The following CCDC117 variants were observed in gnomAD, a reference collection of about 807,000 sequenced individuals.
CCDC117 encodes coiled-coil domain-containing protein 117.
CCDC117 carries 1 observed loss-of-function variant against 23.5 expected under a neutral mutation model. That is an observed-to-expected ratio of 0.04 (90% CI 0.02 to 0.20). The LOEUF is 0.20. Ranked by LOEUF, CCDC117 falls within the 10% of genes least tolerant of loss-of-function variation. The probability of loss-of-function intolerance (pLI) is 1.00; values close to 1 mark genes in which losing one functional copy is unlikely to be tolerated. For missense variants in CCDC117, 383 were observed against 348.2 expected (o/e 1.10, Z -0.80); for synonymous variants, 132 against 124.8 (o/e 1.06, Z -0.39).
Position 28,788,087 on chromosome 22 carries a change from T to C in CCDC117, c.*1761T>C, listed in dbSNP as rs1477063221. The C allele has an allele frequency of 6.6e-6, 1 of 152,666 alleles. No homozygotes were observed. The highest frequency in any genetic ancestry group is 2.4e-5 in the African/African-American group (1 of 41,470). 9.5% of individuals were successfully genotyped at this position (152,666 alleles called of 1,614,324 possible). A position where few individuals can be genotyped will look rare whatever the true frequency, so the allele number is the denominator to read the frequency against. On this transcript the variant is annotated 3_prime_UTR_variant, in exon 5 of 5. Transcript: ENST00000249064. ...AATGTTTAATATTTAAACAAAATAT[T>C]TAATGTCTATACAGTAAAATTATTC...
At chr22:28,780,518 G>A (rs893954442) in intron 2 of CCDC117, among the ~76,000 whole-genome samples, 10 of 151,974 alleles carry the variant, frequency 6.6e-5, no homozygotes, top group Admixed American at 3.3e-4. Context: ...TTGAATTAGC[G>A]TCTCACTATG....
At position 28,781,051 on chromosome 22, in the gene CCDC117, C is replaced by G. The variant is rs774389671; in HGVS notation, c.343C>G (p.Pro115Ala). ...GGATGTAGAGGGGCATGGAGTAAAT[C>G]CCAGTGTTAGTGGCCTTTCCATACC... The part of the protein sequence containing the change: ...HQDVEGHGVN[P>A]SVSGLSIPGI... Residue 115 changes from proline to alanine, a missense_variant, in exon 3 of 5, where the codon CCC becomes GCC. By Grantham distance (27) the Pro-to-Ala change is conservative. Transcript: ENST00000249064. 3.1e-6 allele frequency: 5 copies of G among 1,613,778 alleles called. No individual in the cohort carries two copies. Among genetic ancestry groups the G allele is most frequent in the Non-Finnish European group, 4.2e-6 (5 of 1,179,834 alleles).
Position 28,788,415 on chromosome 22 carries a change from A to G in CCDC117, c.*2089A>G, listed in dbSNP as rs1365948291. Reference sequence around the variant, plus strand: ...ACAGCTTTCCAAAGAAGGACCTAAAACACACCAAGATTGTCTTCTACAGGA... The same window carrying G: ...ACAGCTTTCCAAAGAAGGACCTAAAGCACACCAAGATTGTCTTCTACAGGA... On this transcript the variant is annotated 3_prime_UTR_variant, in exon 5 of 5. Transcript: ENST00000249064. The G allele has an allele frequency of 1.3e-5, 2 of 152,510 alleles. No homozygotes were observed. The highest frequency in any genetic ancestry group is 1.9e-4 in the East Asian group (1 of 5,202). 9.4% of individuals were successfully genotyped at this position (152,510 alleles called of 1,614,324 possible).
At position 28,788,994 on chromosome 22, in the gene CCDC117, T is replaced by A. The variant is rs1601432583; in HGVS notation, c.*2668T>A. 2 of 149,438 alleles carry A rather than the reference T, an allele frequency of 1.3e-5. No homozygotes were observed. The highest frequency in any genetic ancestry group is 2.1e-4 in the South Asian group (1 of 4,746). The allele number at this position is 149,438 out of a possible 1,614,324, so 9.3% of individuals were successfully genotyped here. A position where few individuals can be genotyped will look rare whatever the true frequency, so the allele number is the denominator to read the frequency against. ...TTGGGTTTTTTTTTTTTTTTTGTAA[T>A]TATATGAAGAAAGTCCAGTTCTCAT... is the stretch of plus-strand genomic sequence containing the variant. On this transcript the variant is annotated 3_prime_UTR_variant, in exon 5 of 5. Transcript: ENST00000249064.
chr22:28,775,185 C>T (rs1477038580), intron 2 of CCDC117, among the ~76,000 whole-genome samples: 1 of 152,084 alleles, frequency 6.6e-6, no homozygotes. Flanking sequence ...CACTTGAACC[C>T]GGGAGGTGGA....
rs1038402116 is a variant in CCDC117 at position 28,788,165 on chromosome 22, T to A, written c.*1839T>A. 40 of 152,814 alleles carry A rather than the reference T, an allele frequency of 2.6e-4. No homozygotes were observed. The highest frequency in any genetic ancestry group is 1.9e-4 in the East Asian group (1 of 5,194). 9.5% of individuals were successfully genotyped at this position (152,814 alleles called of 1,614,324 possible). On this transcript the variant is annotated 3_prime_UTR_variant, in exon 5 of 5. Transcript: ENST00000249064. The stretch of plus-strand genomic sequence containing the variant: ...TGGAAACCAGCTAATAGTTTCTTAA[T>A]CTCAGATTTCGAGATGAATGTAAAC...
intron 3 of CCDC117, among the ~76,000 whole-genome samples, chr22:28,782,002 G>T: frequency 6.9e-6 from 1 of 144,848 alleles, no homozygotes. Context: ...AGGTTGGAGT[G>T]CAGTGGCTCA....
At chr22:28,773,464 G>A in intron 1 of CCDC117, 1 of 514,888 alleles carries the variant, frequency 1.9e-6, no homozygotes, top group African/African-American at 1.9e-5. Flanking sequence ...CGCCTGCCCC[G>A]AGGACGTTTC....
intron 4 of CCDC117, among the ~76,000 whole-genome samples, chr22:28,784,559 A>G (rs1420631033): frequency 1.3e-5 from 2 of 152,162 alleles, no homozygotes; most frequent in Non-Finnish European, 2.9e-5. Flanking sequence ...TACAGTGGAG[A>G]TGATTTGTGC....
In CCDC117 at chr22:28,783,644, A is replaced by G. The variant is rs149747242; in HGVS notation, c.601A>G (p.Met201Val). 7.4e-6 allele frequency: 12 copies of G among 1,612,398 alleles called. No individual in the cohort carries two copies. The highest frequency in any genetic ancestry group is 4.0e-5 in the African/African-American group (3 of 74,844). Residue 201 changes from methionine (M) to valine (V), a missense_variant and splice_region_variant, in exon 4 of 5, where the codon ATG (methionine) becomes GTG (valine). Transcript: ENST00000249064. Reference sequence around the variant, plus strand: ...TTTTACAAAGAAAATGATTGAGTCTATGTAAGTTTTGGTACCTGATTTCTA... The same window carrying G: ...TTTTACAAAGAAAATGATTGAGTCTGTGTAAGTTTTGGTACCTGATTTCTA... Reference protein sequence around the residue: ...EVFTKKMIESMSRPSMELVLW... With the variant: ...EVFTKKMIESVSRPSMELVLW...
intron 2 of CCDC117, among the ~76,000 whole-genome samples, chr22:28,780,205 G>C (rs905360541): frequency 6.6e-6 from 1 of 152,136 alleles, no homozygotes; most frequent in African/African-American, 2.4e-5. Flanking sequence ...ATACAAATTT[G>C]TTCAGGATGT....
intron 2 of CCDC117, 41 bp from the exon 3 acceptor site, chr22:28,780,907 A>G (rs1275746383): frequency 2.2e-6 from 3 of 1,395,324 alleles, no homozygotes; most frequent in East Asian, 4.7e-5. Flanking sequence ...TTTCATTTAT[A>G]TTAGTTGGGA....
intron 4 of CCDC117, 55 bp from the exon 5 acceptor site, chr22:28,786,034 C>A: frequency 7.6e-7 from 1 of 1,318,160 alleles, no homozygotes; most frequent in Non-Finnish European, 1.1e-6. Flanking sequence ...CAACCTACAG[C>A]TTTTGTTTTC....
At position 28,772,881 on chromosome 22, in the gene CCDC117, T is replaced by C. The variant is rs2146241294; in HGVS notation, c.32T>C (p.Leu11Pro). Reference protein sequence around the residue: MAALGRPFSGLPLSGGSDFLQ... With the variant: MAALGRPFSGPPLSGGSDFLQ... ...GCGCTCGGCCGGCCCTTCAGCGGCCTCCCTCTGAGCGGCGGCTCGGACTTC... is the reference window on the plus strand; with the variant it reads ...GCGCTCGGCCGGCCCTTCAGCGGCCCCCCTCTGAGCGGCGGCTCGGACTTC... Residue 11 changes from leucine (L) to proline (P), a missense_variant, in exon 1 of 5, where the codon CTC becomes CCC. Physicochemically the swap from Leu to Pro is moderately conservative, Grantham distance 98 (BLOSUM62 -3). Coordinates refer to ENST00000249064, the MANE Select transcript of CCDC117 (RefSeq NM_173510.4). The C allele has an allele frequency of 8.1e-7, 1 of 1,237,022 alleles. No individual in the cohort carries two copies. The highest frequency in any genetic ancestry group is 1.0e-6 in the Non-Finnish European group (1 of 989,554). The allele number at this position is 1,237,022 out of a possible 1,614,324, so 76.6% of individuals were successfully genotyped here. A position where few individuals can be genotyped will look rare whatever the true frequency, so the allele number is the denominator to read the frequency against.
chr22:28,786,200 G>A lies in CCDC117; in HGVS notation c.714G>A (p.Lys238=), dbSNP rs145482585. The change falls in exon 5 of 5, where the codon AAG becomes AAA. Residue 238 remains lysine (K), a synonymous_variant. Coordinates refer to ENST00000249064, the MANE Select transcript of CCDC117 (RefSeq NM_173510.4). ...TKNYTGESQA[K]HVAAGTAFPQ... The stretch of plus-strand genomic sequence containing the variant: ...ACTATACAGGAGAGAGCCAAGCTAA[G>A]CATGTAGCTGCTGGCACTGCCTTCC... 6.2e-7 allele frequency: 1 copy of A among 1,614,110 alleles called. No homozygotes were observed. Among genetic ancestry groups the A allele is most frequent in the Non-Finnish European group, 8.5e-7 (1 of 1,179,984 alleles).
In CCDC117 at chr22:28,788,096, A is replaced by G. The variant is rs1569201695; in HGVS notation, c.*1770A>G. The G allele has an allele frequency of 1.3e-5, 2 of 152,662 alleles. No individual in the cohort carries two copies. The highest frequency in any genetic ancestry group is 2.4e-5 in the African/African-American group (1 of 41,454). The allele number at this position is 152,662 out of a possible 1,614,324, so 9.5% of individuals were successfully genotyped here. ...TATTTAAACAAAATATTTAATGTCTATACAGTAAAATTATTCAAACTTCAA... is the reference window on the plus strand; with the variant it reads ...TATTTAAACAAAATATTTAATGTCTGTACAGTAAAATTATTCAAACTTCAA... On this transcript the variant is annotated 3_prime_UTR_variant, in exon 5 of 5. Transcript: ENST00000249064.
chr22:28,775,846 G>A (rs914910294), intron 2 of CCDC117, among the ~76,000 whole-genome samples: 6 of 152,180 alleles, frequency 3.9e-5, no homozygotes, highest in Non-Finnish European at 5.9e-5. Flanking sequence ...GCAGTGAGCC[G>A]AGATCGTCCT....
intron 2 of CCDC117, among the ~76,000 whole-genome samples, chr22:28,779,101 T>C (rs1038318254): frequency 2.0e-5 from 3 of 152,196 alleles, no homozygotes; most frequent in African/African-American, 7.2e-5. Flanking sequence ...TAGCTGGAAC[T>C]GTAGGCACAC....
chr22:28,774,132 A>T (rs933715306), intron 2 of CCDC117, among the ~76,000 whole-genome samples: 2 of 144,920 alleles, frequency 1.4e-5, no homozygotes, highest in Non-Finnish European at 3.0e-5. Context: ...CAGTGGCGCT[A>T]TGTGGGCTCA....
Sources: allele counts gnomAD v4.1 joint callset (sites outside exome capture counted in the v4.1 genomes callset), GRCh38; gene constraint gnomAD v4.1.1; transcripts MANE v1.5; gene names NCBI Gene and HGNC (gene_info 2026-07-23, HGNC 2026-07-21).